Variants in KIF4A observed in about 807,000 individuals in gnomAD.
KIF4A encodes kinesin family member 4A, also known as chromosome-associated kinesin KIF4A.
In KIF4A, 7 loss-of-function variants were observed where a neutral mutation model predicts 105.9. That is an observed-to-expected ratio of 0.07 (90% CI 0.04 to 0.12). The LOEUF (loss-of-function observed/expected upper bound fraction) is 0.12. Among genes scored for constraint, KIF4A ranks in the 10% least tolerant of loss-of-function variants. The probability of loss-of-function intolerance (pLI) is 1.00; values close to 1 mark genes in which losing one functional copy is unlikely to be tolerated. For synonymous variants in KIF4A, 281 were observed against 331.3 expected (o/e 0.85, Z 1.65); for missense variants, 558 against 929.2 (o/e 0.60, Z 5.19).
In KIF4A at chrX:70,417,983, T is replaced by C; in HGVS notation, c.3351T>C (p.Cys1117=). 1 of 1,209,312 alleles carries C rather than the reference T, an allele frequency of 8.3e-7. No individual in the cohort carries two copies. Among genetic ancestry groups the C allele is most frequent in the Non-Finnish European group, 1.1e-6 (1 of 894,254 alleles). The stretch of plus-strand genomic sequence containing the variant: ...ACTGTTGCTGTGACCCCACAAAGTG[T>C]CGGAACCGCCAGCAAGGCAAGGTAG... The part of the protein sequence containing the change: ...GVDCCCDPTK[C]RNRQQGKDSL... Residue 1117 remains cysteine, a synonymous_variant, in exon 29 of 31, where the codon TGT becomes TGC. Transcript: ENST00000374403.
intron 13 of KIF4A, among the ~76,000 whole-genome samples, chrX:70,347,288 G>A (rs1486953376): frequency 8.9e-6 from 1 of 111,883 alleles, no homozygotes; most frequent in East Asian, 2.8e-4. Context: ...TTATTTTTAA[G>A]AGGTTCTTGG....
At chrX:70,322,293 GT>G (rs369587963) in intron 7 of KIF4A, among the ~76,000 whole-genome samples, 16 of 108,099 alleles carry the variant, frequency 1.5e-4, no homozygotes, top group South Asian at 8.3e-4. Flanking sequence ...CCCTGTTGCT[GT>G]TTTTTTTAAT....
At chrX:70,320,075 A>G (rs895050320) in intron 7 of KIF4A, among the ~76,000 whole-genome samples, 6 of 111,854 alleles carry the variant, frequency 5.4e-5, no homozygotes, top group African/African-American at 2.0e-4. Flanking sequence ...CCTAGCTCAA[A>G]CTGTTACTTT....
chrX:70,418,632 C>G (rs1282966307), intron 29 of KIF4A, among the ~76,000 whole-genome samples: 1 of 111,875 alleles, frequency 8.9e-6, no homozygotes, highest in Non-Finnish European at 1.9e-5. Context: ...CAGGTCAGAT[C>G]CCTATACCTG....
intron 15 of KIF4A, among the ~76,000 whole-genome samples, chrX:70,373,631 T>C (rs866038402): frequency 9.5e-5 from 1 of 10,549 alleles, no homozygotes; most frequent in African/African-American, 3.1e-4. Context: ...TATACGTATA[T>C]ATATACATAT....
At chrX:70,321,338 C>T (rs775337420) in intron 7 of KIF4A, among the ~76,000 whole-genome samples, 34 of 112,119 alleles carry the variant, frequency 3.0e-4, no homozygotes, top group Non-Finnish European at 5.1e-4. Context: ...TTGGGGTTTT[C>T]GACATTGCCT....
chrX:70,346,393 AC>A, intron 13 of KIF4A, among the ~76,000 whole-genome samples: 1 of 111,715 alleles, frequency 9.0e-6, no homozygotes, highest in Non-Finnish European at 1.9e-5. Flanking sequence ...GACCCAGGGT[AC>A]CCACCATTGT....
In KIF4A at chrX:70,317,865, T is replaced by TTTTC. The variant is rs1341760105; in HGVS notation, c.779-11524_779-11521dup. The stretch of plus-strand genomic sequence containing the variant: ...GGCCCCCCTTGCTTGCTTGCTTTTC[T>TTTTC]TTTCTTTCTTTCTTTCTTTTTTTTT... On this transcript the variant is annotated intron_variant, in intron 7 of 30. Transcript: ENST00000374403. 6.3e-5 allele frequency among the ~76,000 whole-genome samples: 5 copies of TTTTC among 79,097 alleles called. 1 individual carries two copies. The Admixed American group carries it at 6.5e-4, about 10-fold the overall frequency. 68.7% of individuals were successfully genotyped at this position (79,097 alleles called of 115,157 possible).
chrX:70,347,973 T>TTAAAAAAAAAAAAAAAA (rs1271042304), intron 13 of KIF4A, among the ~76,000 whole-genome samples: 1 of 3,149 alleles, frequency 3.2e-4, no homozygotes, highest in Non-Finnish European at 5.2e-4. Context: ...AGACTCCGTC[T>TTAAAAAAAAAAAAAAAA]CAAAAAAAAA....
intron 20 of KIF4A, among the ~76,000 whole-genome samples, chrX:70,387,605 C>T (rs1303083910): frequency 8.9e-6 from 1 of 112,048 alleles, no homozygotes; most frequent in African/African-American, 3.2e-5. Context: ...TGGTGGCTCA[C>T]ACCTATAATC....
In KIF4A at chrX:70,311,002, T is replaced by G. The variant is rs191916784; in HGVS notation, c.778+8604T>G. Among the ~76,000 whole-genome samples the G allele has an allele frequency of 3.1e-3, 338 of 108,883 alleles. 1 individual carries two copies. The highest frequency in any genetic ancestry group is 0.011 in the African/African-American group (329 of 29,887). The allele number at this position is 108,883 out of a possible 115,157, so 94.6% of individuals were successfully genotyped here. A position where few individuals can be genotyped will look rare whatever the true frequency, so the allele number is the denominator to read the frequency against. On this transcript the variant is annotated intron_variant, in intron 7 of 30. Coordinates refer to ENST00000374403, the MANE Select transcript of KIF4A (RefSeq NM_012310.5). Reference sequence around the variant, plus strand: ...TTAGCCAGGCATGGTGGCACATGCCTGTAGTCCTGGCTACTCGGGGGACTG... The same window carrying G: ...TTAGCCAGGCATGGTGGCACATGCCGGTAGTCCTGGCTACTCGGGGGACTG...
intron 17 of KIF4A, 144 bp downstream of exon 17, chrX:70,375,492 C>T (rs1366477670): frequency 1.0e-5 from 6 of 601,535 alleles, no homozygotes; most frequent in Non-Finnish European, 1.5e-5. Context: ...CACAAATGTC[C>T]CTTTTGCAGA....
chrX:70,331,553 A>G (rs1420428780), intron 9 of KIF4A, among the ~76,000 whole-genome samples: 1 of 111,808 alleles, frequency 8.9e-6, no homozygotes, highest in Non-Finnish European at 1.9e-5. Flanking sequence ...AAATGTTGAC[A>G]CAGAGACATG....
At chrX:70,356,239 C>T (rs937132988) in intron 15 of KIF4A, among the ~76,000 whole-genome samples, 2 of 110,706 alleles carry the variant, frequency 1.8e-5, no homozygotes, top group African/African-American at 6.6e-5. Context: ...TGAGATCACA[C>T]CACTGCAATC....
chrX:70,308,431 A>G (rs1439208405), intron 7 of KIF4A, among the ~76,000 whole-genome samples: 1 of 112,275 alleles, frequency 8.9e-6, no homozygotes, highest in Non-Finnish European at 1.9e-5. Flanking sequence ...TTGATTTACC[A>G]CCCAGTCCTA....
At chrX:70,290,410 C>T (rs1414399678) in intron 1 of KIF4A, 28 bp from the exon 2 acceptor site, 1 of 1,189,463 alleles carries the variant, frequency 8.4e-7, no homozygotes, top group East Asian at 3.0e-5. Flanking sequence ...TAACATTCAT[C>T]AGCGAGCCTT....
At chrX:70,403,704 A>G (rs939462803) in intron 23 of KIF4A, among the ~76,000 whole-genome samples, 160 bp from the exon 24 acceptor site, 2 of 112,581 alleles carry the variant, frequency 1.8e-5, no homozygotes, top group African/African-American at 3.2e-5. Flanking sequence ...TTACTATTCA[A>G]TGTTGGAATC....
rs760190939 is a variant in KIF4A at position 70,404,042 on chromosome X, C to G, written c.2790+8C>G. 1 of 1,208,402 alleles carries G rather than the reference C, an allele frequency of 8.3e-7. No homozygotes were observed. Among genetic ancestry groups the G allele is most frequent in the Admixed American group, 2.2e-5 (1 of 45,973 alleles). On this transcript the variant is annotated splice_region_variant and intron_variant, in intron 24 of 30. Transcript: ENST00000374403. The stretch of plus-strand genomic sequence containing the variant: ...CAACAGCACCAAGAGAAGGTAAACT[C>G]TAGCAAGTCAAGAAGCTATACTGTG...
At chrX:70,290,399 C>G (rs779112461) in intron 1 of KIF4A, 39 bp from the exon 2 acceptor site, 618 of 1,180,428 alleles carry the variant, frequency 5.2e-4, no homozygotes, top group Non-Finnish European at 6.8e-4. Flanking sequence ...TGCTGACCTA[C>G]TAACATTCAT....
Sources: allele counts gnomAD v4.1 joint callset (sites outside exome capture counted in the v4.1 genomes callset), GRCh38; gene constraint gnomAD v4.1.1; transcripts MANE v1.5; gene names NCBI Gene and HGNC (gene_info 2026-07-23, HGNC 2026-07-21).